Variants in PTPRT observed in about 807,000 individuals in gnomAD.
The protein encoded by PTPRT is protein tyrosine phosphatase receptor type T.
A neutral mutation model predicts 176.8 loss-of-function variants in PTPRT; 56 were observed. The observed-to-expected ratio is 0.32, with a 90% CI of 0.26 to 0.40. The LOEUF is 0.40. Among genes scored for constraint, PTPRT ranks in the 10% least tolerant of loss-of-function variants. PTPRT has a pLI of 1.00. For missense variants in PTPRT, 1,540 were observed against 1,908.2 expected, an observed-to-expected ratio of 0.81 and a Z score of 3.60; for synonymous variants, 783 against 739.0, an observed-to-expected ratio of 1.06 and a Z score of -0.96.
intron 1 of PTPRT, among the ~76,000 whole-genome samples, chr20:43,116,237 G>T (rs536885174): frequency 2.0e-5 from 3 of 152,074 alleles, no homozygotes; most frequent in Admixed American, 6.5e-5. Context: ...CTCAAATGCC[G>T]CATGGAACCA....
intron 7 of PTPRT, among the ~76,000 whole-genome samples, chr20:42,582,210 G>A (rs2073385720): frequency 6.6e-6 from 1 of 152,216 alleles, no homozygotes; most frequent in Non-Finnish European, 1.5e-5. Flanking sequence ...GGTCTTGTCT[G>A]CAGGCTCCCT....
At chr20:42,591,894 G>C (rs2073581180) in intron 7 of PTPRT, among the ~76,000 whole-genome samples, 1 of 151,926 alleles carries the variant, frequency 6.6e-6, no homozygotes. Flanking sequence ...CCGAGCACTG[G>C]TGGAGGATAT....
intron 5 of PTPRT, among the ~76,000 whole-genome samples, chr20:42,762,158 C>T (rs1464117489): frequency 6.6e-6 from 1 of 152,108 alleles, no homozygotes; most frequent in Non-Finnish European, 1.5e-5. Flanking sequence ...ATATTCTTGG[C>T]CATCAGATTC....
chr20:43,137,006 C>T (rs2013853031), intron 1 of PTPRT, among the ~76,000 whole-genome samples: 1 of 152,164 alleles, frequency 6.6e-6, no homozygotes. Context: ...AGAACTAATG[C>T]CAGATTCTAG....
intron 6 of PTPRT, among the ~76,000 whole-genome samples, chr20:42,729,694 C>T (rs903227076): frequency 2.8e-4 from 42 of 152,208 alleles, no homozygotes; most frequent in Non-Finnish European, 5.9e-4. Flanking sequence ...CTGTGAGACA[C>T]AGGATTGCAC....
chr20:42,348,583 T>C (rs1464965209), intron 11 of PTPRT, among the ~76,000 whole-genome samples: 1 of 152,112 alleles, frequency 6.6e-6, no homozygotes, highest in East Asian at 1.9e-4. Flanking sequence ...TCAATTTCTA[T>C]ATTTGCAAAA....
intron 1 of PTPRT, among the ~76,000 whole-genome samples, chr20:42,989,090 C>T (rs1983753419): frequency 1.3e-5 from 2 of 152,186 alleles, no homozygotes; most frequent in African/African-American, 2.4e-5. Context: ...TGGGCAAATG[C>T]CATCAGATTG....
At chr20:42,039,041 G>T in the PTPRT span, among the ~76,000 whole-genome samples, 5 of 152,284 alleles carry the variant, frequency 3.3e-5, no homozygotes, top group South Asian at 8.3e-4. Flanking sequence ...CAGGAGCGGG[G>T]TTGTGGAGTT....
chr20:42,706,382 C>A (rs539086127), intron 6 of PTPRT, among the ~76,000 whole-genome samples: 4 of 152,058 alleles, frequency 2.6e-5, no homozygotes, highest in Non-Finnish European at 4.4e-5. Context: ...ACATTAAATT[C>A]CTTCTGTTTG....
At chr20:42,122,184 T>C (rs531815015) in intron 19 of PTPRT, among the ~76,000 whole-genome samples, 2 of 152,210 alleles carry the variant, frequency 1.3e-5, no homozygotes, top group African/African-American at 2.4e-5. Flanking sequence ...AAAAAATTAA[T>C]GGGGATAATG....
At chr20:42,323,482 C>T (rs1360963089) in intron 11 of PTPRT, among the ~76,000 whole-genome samples, 1 of 151,940 alleles carries the variant, frequency 6.6e-6, no homozygotes, top group Admixed American at 6.6e-5. Context: ...AAGCTGGAAA[C>T]CATCATTCTC....
At chr20:42,165,953 C>A (rs1384770201) in intron 16 of PTPRT, among the ~76,000 whole-genome samples, 2 of 152,170 alleles carry the variant, frequency 1.3e-5, no homozygotes, top group Non-Finnish European at 2.9e-5. Context: ...TACATTTTAC[C>A]TAACCCCATA....
intron 15 of PTPRT, among the ~76,000 whole-genome samples, chr20:42,213,321 C>T (rs970210807): frequency 2.0e-5 from 3 of 152,264 alleles, no homozygotes; most frequent in Admixed American, 6.5e-5. Flanking sequence ...GTAAGAGACC[C>T]GGGTGCCGGG....
At chr20:42,308,282 G>T (rs2145341201) in intron 12 of PTPRT, among the ~76,000 whole-genome samples, 1 of 152,066 alleles carries the variant, frequency 6.6e-6, no homozygotes, top group Non-Finnish European at 1.5e-5. Context: ...TCTTCCACAA[G>T]AACCAAGAAT....
intron 20 of PTPRT, 60 bp from the exon 21 acceptor site, chr20:42,118,560 G>T (rs1324606461): frequency 3.4e-6 from 5 of 1,473,668 alleles, no homozygotes; most frequent in Admixed American, 3.7e-5. Flanking sequence ...AGCTGAGAAG[G>T]TTTGTCCCCC....
rs149883338 is a variant in PTPRT, at chr20:42,649,116, G to A, written c.1153+28750C>T. ...TTACAGGCCTGAGCCACTGTGCCCG[G>A]CCAAGGAAAGAGGTTTAATGGACTC... On this transcript the variant is annotated intron_variant, in intron 7 of 30. Transcript: ENST00000373187. Among the ~76,000 whole-genome samples, 430 of 152,200 alleles carry A rather than the reference G, an allele frequency of 2.8e-3. 4 individuals are homozygous for A. Among genetic ancestry groups the A allele is most frequent in the African/African-American group, 1.0e-2 (414 of 41,496 alleles).
chr20:42,661,388 GC>G (rs559608849), intron 7 of PTPRT, among the ~76,000 whole-genome samples: 53 of 151,984 alleles, frequency 3.5e-4, no homozygotes, highest in African/African-American at 1.3e-3. Context: ...ATAGACACAA[GC>G]AAAAAATATA....
intron 6 of PTPRT, among the ~76,000 whole-genome samples, chr20:42,746,804 T>G (rs1047469725): frequency 1.3e-5 from 2 of 152,068 alleles, no homozygotes; most frequent in Non-Finnish European, 2.9e-5. Context: ...AGGCATGAGA[T>G]GAGAGGAGGA....
chr20:42,454,249 G>A (rs1409746704), intron 8 of PTPRT, among the ~76,000 whole-genome samples: 2 of 152,048 alleles, frequency 1.3e-5, no homozygotes, highest in African/African-American at 2.4e-5. Context: ...TACCGTATAT[G>A]AACAGTAGAG....
Sources: allele counts gnomAD v4.1 joint callset (sites outside exome capture counted in the v4.1 genomes callset), GRCh38; gene constraint gnomAD v4.1.1; transcripts MANE v1.5; gene names NCBI Gene and HGNC (gene_info 2026-07-23, HGNC 2026-07-21).